PDE11A: variants seen among roughly 807,000 people sequenced by gnomAD.
PDE11A encodes the protein dual 3',5'-cyclic-AMP and -GMP phosphodiesterase 11A.
Under a neutral mutation model 100.5 loss-of-function variants are expected in PDE11A, and 100 were observed. The observed-to-expected ratio is 1.00, with a 90% CI of 0.85 to 1.18. The LOEUF is 1.18. Ranked by LOEUF, PDE11A falls within the 50% of genes most tolerant of loss-of-function variation. The pLI, the probability that PDE11A is intolerant of heterozygous loss-of-function variation, is 0.00. For missense variants in PDE11A, 1,141 were observed against 1,152.6 expected (o/e 0.99, Z 0.15); for synonymous variants, 381 against 420.8 (o/e 0.91, Z 1.16).
intron 2 of PDE11A, among the ~76,000 whole-genome samples, chr2:177,999,687 C>T (rs2086119913): frequency 6.6e-6 from 1 of 152,178 alleles, no homozygotes; most frequent in African/African-American, 2.4e-5. Context: ...GCAATTCTTC[C>T]AAAATACCAA....
intron 10 of PDE11A, among the ~76,000 whole-genome samples, chr2:177,737,374 C>T (rs959935319): frequency 6.7e-6 from 1 of 150,112 alleles, no homozygotes; most frequent in East Asian, 2.0e-4. Context: ...GTCAGGAGAT[C>T]GAGACCATCC....
chr2:177,981,081 G>A (rs1198940644), intron 2 of PDE11A, among the ~76,000 whole-genome samples: 1 of 150,198 alleles, frequency 6.7e-6, no homozygotes, highest in Non-Finnish European at 1.5e-5. Flanking sequence ...TAATAGCTGT[G>A]TGATCTTGGG....
intron 17 of PDE11A, among the ~76,000 whole-genome samples, chr2:177,672,355 C>A (rs2080696315): frequency 6.6e-6 from 1 of 152,182 alleles, no homozygotes; most frequent in South Asian, 2.1e-4. Context: ...AAGAAATAAA[C>A]CTTTATTTGT....
intron 2 of PDE11A, among the ~76,000 whole-genome samples, chr2:177,909,284 A>T (rs1252385851): frequency 6.6e-6 from 1 of 152,096 alleles, no homozygotes; most frequent in Non-Finnish European, 1.5e-5. Context: ...TGTTTTGTGT[A>T]CTCCAATTTT....
chr2:178,058,017 C>G (rs951082850), intron 1 of PDE11A, among the ~76,000 whole-genome samples: 1 of 152,088 alleles, frequency 6.6e-6, no homozygotes, highest in Admixed American at 6.5e-5. Context: ...GCCACCGTGC[C>G]CGGCCAATTT....
intron 1 of PDE11A, among the ~76,000 whole-genome samples, chr2:178,045,198 T>C (rs1353427560): frequency 1.3e-5 from 2 of 152,174 alleles, no homozygotes; most frequent in African/African-American, 4.8e-5. Context: ...TATATGCAAG[T>C]ATAAGACCTG....
chr2:177,827,410 G>A (rs970750143), intron 6 of PDE11A, among the ~76,000 whole-genome samples: 3 of 152,130 alleles, frequency 2.0e-5, no homozygotes, highest in Non-Finnish European at 4.4e-5. Flanking sequence ...CATGCATAAG[G>A]CCTGCCCTAC....
intron 2 of PDE11A, among the ~76,000 whole-genome samples, chr2:178,001,038 A>G (rs1439552231): frequency 6.6e-6 from 1 of 151,692 alleles, no homozygotes; most frequent in South Asian, 2.1e-4. Context: ...CCCTGGACAC[A>G]TTTTTAAAAT....
chr2:177,695,440 AT>A (rs1465229859), intron 15 of PDE11A, among the ~76,000 whole-genome samples: 2 of 152,158 alleles, frequency 1.3e-5, no homozygotes, highest in Non-Finnish European at 2.9e-5. Context: ...AAAAGTATTT[AT>A]TGTTTATCTG....
chr2:178,028,685 T>G (rs981475098), intron 1 of PDE11A, among the ~76,000 whole-genome samples: 9 of 152,336 alleles, frequency 5.9e-5, no homozygotes, highest in African/African-American at 2.2e-4. Context: ...TGCTGCAGTG[T>G]TTGTTTTATG....
intron 2 of PDE11A, among the ~76,000 whole-genome samples, chr2:177,916,793 T>C (rs902670954): frequency 2.0e-5 from 3 of 151,834 alleles, no homozygotes; most frequent in Non-Finnish European, 2.9e-5. Flanking sequence ...GGAGTCTTGC[T>C]CTGTCGCCAG....
At chr2:177,682,134 T>C (rs1468691763) in intron 15 of PDE11A, among the ~76,000 whole-genome samples, 1 of 152,160 alleles carries the variant, frequency 6.6e-6, no homozygotes, top group Non-Finnish European at 1.5e-5. Context: ...CAACCCCTTA[T>C]CTTAACCCAG....
chr2:177,817,400 T>C (rs139557813), intron 8 of PDE11A, among the ~76,000 whole-genome samples: 1 of 152,326 alleles, frequency 6.6e-6, no homozygotes, highest in Non-Finnish European at 1.5e-5. Context: ...TAGAGAAAGA[T>C]AACCATGGGT....
intron 15 of PDE11A, chr2:177,686,915 C>A (rs1172278187): frequency 6.6e-6 from 1 of 151,930 alleles, no homozygotes; most frequent in Non-Finnish European, 1.5e-5. Flanking sequence ...TGGTGTTTTG[C>A]TATGTTGGCC....
intron 5 of PDE11A, among the ~76,000 whole-genome samples, chr2:177,842,251 C>T (rs2105627619): frequency 6.6e-6 from 1 of 152,198 alleles, no homozygotes; most frequent in African/African-American, 2.4e-5. Flanking sequence ...GAGGTCTGGG[C>T]ACAGAAGTAA....
chr2:178,078,609 C>T (rs1257948954), intron 2 of PDE11A, among the ~76,000 whole-genome samples: 5 of 152,086 alleles, frequency 3.3e-5, no homozygotes, highest in Non-Finnish European at 1.5e-5. Context: ...TACATATTTT[C>T]TTCATCTTAA....
intron 2 of PDE11A, among the ~76,000 whole-genome samples, chr2:177,937,596 C>A (rs545491440): frequency 6.6e-6 from 1 of 152,174 alleles, no homozygotes; most frequent in African/African-American, 2.4e-5. Flanking sequence ...GAATTACAGG[C>A]GTGAGCCACC....
intron 5 of PDE11A, among the ~76,000 whole-genome samples, chr2:177,866,508 TG>T (rs1231751934): frequency 1.3e-5 from 2 of 152,252 alleles, no homozygotes; most frequent in Admixed American, 6.5e-5. Context: ...CTTTCACATT[TG>T]TTTCTCCTGA....
At chr2:178,107,757 T>C (rs1261727103) in intron 1 of PDE11A, among the ~76,000 whole-genome samples, 3 of 149,190 alleles carry the variant, frequency 2.0e-5, no homozygotes, top group Non-Finnish European at 4.5e-5. Context: ...AGTCTCACTC[T>C]GTCGCCCAGG....
Sources: gnomAD v4.1 joint callset for allele counts (sites outside exome capture counted in the v4.1 genomes callset) on GRCh38, gnomAD v4.1.1 for gene constraint, MANE v1.5 for transcripts, NCBI Gene and HGNC (gene_info 2026-07-23, HGNC 2026-07-21) for gene names.